The following NCOA7 variants were observed in gnomAD, a reference collection of about 807,000 sequenced individuals.
NCOA7 encodes the protein 140 kDa estrogen receptor-associated protein.
A neutral mutation model predicts 104.3 loss-of-function variants in NCOA7; 45 were observed. The ratio of observed to expected loss-of-function variants is 0.43; its 90% CI spans 0.34 to 0.55. NCOA7 has a LOEUF of 0.55. Among genes scored for constraint, NCOA7 ranks in the 20% least tolerant of loss-of-function variants. The pLI is 0.02. For missense variants in NCOA7, 1,041 were observed against 1,119.7 expected (o/e 0.93, Z 1.00); for synonymous variants, 398 against 402.3 (o/e 0.99, Z 0.13).
intron 11 of NCOA7, among the ~76,000 whole-genome samples, chr6:125,917,432 A>T (rs900695300): frequency 1.3e-5 from 2 of 151,966 alleles, no homozygotes; most frequent in African/African-American, 4.8e-5. Context: ...CTGTCCCTGG[A>T]ACATCTTCTC....
chr6:125,842,751 A>G (rs1391027744), intron 2 of NCOA7, among the ~76,000 whole-genome samples: 1 of 152,206 alleles, frequency 6.6e-6, no homozygotes, highest in Non-Finnish European at 1.5e-5. Context: ...TAATACTCCC[A>G]CTTCCAAGAG....
intron 2 of NCOA7, among the ~76,000 whole-genome samples, chr6:125,845,042 G>T (rs974202663): frequency 6.6e-6 from 1 of 152,214 alleles, no homozygotes; most frequent in East Asian, 1.9e-4. Context: ...TTGGTAACTC[G>T]CCAAAGGATG....
chr6:125,916,257 G>C lies in NCOA7; in HGVS notation c.2244+777G>C, dbSNP rs551923163. On this transcript the variant is annotated intron_variant, in intron 11 of 15. Coordinates refer to ENST00000392477, the MANE Select transcript of NCOA7 (RefSeq NM_181782.5). ...GGTGCTTACCTCTCCTTTGCCTTCT[G>C]CCATGATTGTAAGTTTCCCAAGGCC... is the stretch of plus-strand genomic sequence containing the variant. Among the ~76,000 whole-genome samples, 40 of 152,284 alleles carry C rather than the reference G, an allele frequency of 2.6e-4. No individual in the cohort carries two copies. The South Asian group carries it at 8.1e-3, about 31-fold the overall frequency.
chr6:125,801,151 A>G (rs1341805906), intron 1 of NCOA7, among the ~76,000 whole-genome samples: 1 of 152,236 alleles, frequency 6.6e-6, no homozygotes, highest in East Asian at 1.9e-4. Context: ...GAAGTGGCAT[A>G]GTACATGGTG....
chr6:125,881,391 C>T (rs1783809915), intron 6 of NCOA7, among the ~76,000 whole-genome samples, 188 bp downstream of exon 6: 1 of 152,090 alleles, frequency 6.6e-6, no homozygotes, highest in Non-Finnish European at 1.5e-5. Context: ...GCAAAAATGG[C>T]CAGACACAGT....
chr6:125,798,437 A>G (rs752338538), intron 1 of NCOA7, among the ~76,000 whole-genome samples: 3 of 152,178 alleles, frequency 2.0e-5, no homozygotes, highest in Non-Finnish European at 4.4e-5. Flanking sequence ...AGTACTTGGA[A>G]CCTTGCCTGG....
chr6:125,833,520 C>T (rs1021876508), intron 2 of NCOA7, among the ~76,000 whole-genome samples: 15 of 140,560 alleles, frequency 1.1e-4, no homozygotes, highest in Non-Finnish European at 1.5e-4. Flanking sequence ...TTGCAGTGAG[C>T]TGAGATCACA....
At chr6:125,839,436 CTCT>C (rs1779920639) in intron 2 of NCOA7, among the ~76,000 whole-genome samples, 3 of 151,082 alleles carry the variant, frequency 2.0e-5, no homozygotes, top group African/African-American at 7.4e-5. Context: ...AGTGATTTAA[CTCT>C]ATCTGCTGTC....
chr6:125,802,982 C>T (rs1204746756), intron 1 of NCOA7, among the ~76,000 whole-genome samples: 1 of 152,172 alleles, frequency 6.6e-6, no homozygotes, highest in Non-Finnish European at 1.5e-5. Flanking sequence ...GTATTTACCA[C>T]AGTCCATATT....
At chr6:125,871,766 C>A (rs754121064) in intron 3 of NCOA7, among the ~76,000 whole-genome samples, 2 of 152,094 alleles carry the variant, frequency 1.3e-5, no homozygotes, top group Admixed American at 6.6e-5. Context: ...GAGGCCAAGG[C>A]GGGCAGATCA....
At chr6:125,907,296 C>A (rs1786099737) in intron 10 of NCOA7, among the ~76,000 whole-genome samples, 1 of 152,254 alleles carries the variant, frequency 6.6e-6, no homozygotes, top group African/African-American at 2.4e-5. Flanking sequence ...TTTCCCATCT[C>A]ACCTCCGCTG....
intron 8 of NCOA7, among the ~76,000 whole-genome samples, chr6:125,887,711 A>G (rs1200379088): frequency 6.6e-6 from 1 of 152,236 alleles, no homozygotes; most frequent in Non-Finnish European, 1.5e-5. Flanking sequence ...AAGCCAAAAT[A>G]GCAGATAAAG....
chr6:125,862,972 G>C lies in NCOA7; in HGVS notation c.271+7732G>C, dbSNP rs1205416467. 2.2e-5 allele frequency among the ~76,000 whole-genome samples: 3 copies of C among 139,102 alleles called. 1 individual carries two copies. Among genetic ancestry groups the C allele is most frequent in the African/African-American group, 8.9e-5 (3 of 33,564 alleles). The allele number at this position is 139,102 out of a possible 152,430, so 91.3% of individuals were successfully genotyped here. On this transcript the variant is annotated intron_variant, in intron 3 of 15. Transcript: ENST00000392477. ...ATTGTGCCACTGCATACCAACCTGG[G>C]TGACAGAGTGAGACTTCGTCTCAAA...
At chr6:125,905,390 G>A (rs1785905233) in intron 10 of NCOA7, among the ~76,000 whole-genome samples, 1 of 151,556 alleles carries the variant, frequency 6.6e-6, no homozygotes, top group Non-Finnish European at 1.5e-5. Context: ...CCAAGTAGCT[G>A]GGATTACAGA....
intron 5 of NCOA7, among the ~76,000 whole-genome samples, chr6:125,878,860 C>A (rs1391686547): frequency 6.6e-6 from 1 of 152,190 alleles, no homozygotes; most frequent in Non-Finnish European, 1.5e-5. Flanking sequence ...TTCACCCCTG[C>A]CCATGATCCA....
chr6:125,882,999 A>G (rs955531597), intron 7 of NCOA7, among the ~76,000 whole-genome samples: 1 of 152,224 alleles, frequency 6.6e-6, no homozygotes, highest in Non-Finnish European at 1.5e-5. Flanking sequence ...TGATAATGAA[A>G]AGTGATAATT....
At chr6:125,813,384 A>G (rs1011437820) in intron 1 of NCOA7, among the ~76,000 whole-genome samples, 2 of 151,430 alleles carry the variant, frequency 1.3e-5, no homozygotes, top group African/African-American at 4.9e-5. Flanking sequence ...GAAGGGAACA[A>G]TTTTGTCTTC....
At chr6:125,916,034 T>A (rs1787042830) in intron 11 of NCOA7, among the ~76,000 whole-genome samples, 1 of 152,200 alleles carries the variant, frequency 6.6e-6, no homozygotes, top group Non-Finnish European at 1.5e-5. Context: ...ATAGTTTGGC[T>A]CCACGTCCCC....
chr6:125,866,811 CAT>C lies in NCOA7; in HGVS notation c.272-8077_272-8076del, dbSNP rs373674626. On this transcript the variant is annotated intron_variant, in intron 3 of 15. Coordinates refer to ENST00000392477, the MANE Select transcript of NCOA7 (RefSeq NM_181782.5). ...GTTTTAATTGCTGTGGCTTTATAAT[CAT>C]GTGTTTCAACATCATTAGAGTGTGC... Among the ~76,000 whole-genome samples the C allele has an allele frequency of 2.0e-3, 307 of 152,254 alleles. 1 individual carries two copies. Among genetic ancestry groups the C allele is most frequent in the African/African-American group, 6.8e-3 (284 of 41,546 alleles).
Sources: gnomAD v4.1 joint callset for allele counts (sites outside exome capture counted in the v4.1 genomes callset) on GRCh38, gnomAD v4.1.1 for gene constraint, MANE v1.5 for transcripts, NCBI Gene and HGNC (gene_info 2026-07-23, HGNC 2026-07-21) for gene names.